Variants in ABCA5 observed in about 807,000 individuals in gnomAD.
ABCA5 encodes the protein cholesterol transporter ABCA5.
In ABCA5, 163 loss-of-function variants were observed where a neutral mutation model predicts 206.0. That is an observed-to-expected ratio of 0.79 (90% confidence interval 0.70 to 0.90). The LOEUF is 0.90. Among genes scored for constraint, ABCA5 ranks in the 40% least tolerant of loss-of-function variants. ABCA5 has a pLI of 0.00. For missense variants in ABCA5, 1,859 were observed against 1,912.9 expected (o/e 0.97, Z 0.53); for synonymous variants, 609 against 613.8 (o/e 0.99, Z 0.11).
chr17:69,264,159 C>G (rs969206577), intron 24 of ABCA5, among the ~76,000 whole-genome samples: 34 of 152,136 alleles, frequency 2.2e-4, no homozygotes, highest in African/African-American at 8.2e-4. Context: ...ATTGAGTCTT[C>G]TAATCCATGA....
intron 37 of ABCA5, 57 bp from the exon 38 acceptor site, chr17:69,248,374 C>A (rs1042088444): frequency 3.9e-6 from 4 of 1,028,994 alleles, no homozygotes; most frequent in South Asian, 1.5e-5. Context: ...AATGGCAATA[C>A]CTACCAAAGT....
chr17:69,272,884 G>C (rs902545240), intron 20 of ABCA5, among the ~76,000 whole-genome samples: 2 of 152,050 alleles, frequency 1.3e-5, no homozygotes, highest in African/African-American at 4.8e-5. Context: ...TTTTAATACT[G>C]GGCAAAGTCT....
At chr17:69,296,519 T>C (rs2075584927) in intron 10 of ABCA5, among the ~76,000 whole-genome samples, 1 of 152,192 alleles carries the variant, frequency 6.6e-6, no homozygotes, top group African/African-American at 2.4e-5. Flanking sequence ...AATTAACAGA[T>C]GACAATTTAA....
chr17:69,290,286 A>C (rs540198198), intron 12 of ABCA5, among the ~76,000 whole-genome samples: 1 of 152,274 alleles, frequency 6.6e-6, no homozygotes, highest in South Asian at 2.1e-4. Context: ...GCTTGACACT[A>C]AACATAAATA....
chr17:69,275,131 A>C (rs946610523), intron 19 of ABCA5, among the ~76,000 whole-genome samples: 2 of 152,186 alleles, frequency 1.3e-5, no homozygotes, highest in African/African-American at 4.8e-5. Flanking sequence ...GGTGTGAGCC[A>C]CTGCACCCAG....
At chr17:69,280,184 C>A (rs1250945340) in intron 18 of ABCA5, among the ~76,000 whole-genome samples, 2 of 151,960 alleles carry the variant, frequency 1.3e-5, no homozygotes, top group African/African-American at 2.4e-5. Flanking sequence ...AACAAATTTA[C>A]AAGAAAAAAA....
chr17:69,318,854 G>T (rs2075839972), intron 1 of ABCA5: 2 of 705,042 alleles, frequency 2.8e-6, no homozygotes, highest in Admixed American at 3.5e-5. Flanking sequence ...TATGAATCTT[G>T]TGATAGATTA....
At chr17:69,295,478 G>A (rs2075575451) in intron 10 of ABCA5, among the ~76,000 whole-genome samples, 1 of 152,142 alleles carries the variant, frequency 6.6e-6, no homozygotes, top group African/African-American at 2.4e-5. Context: ...TGAGTCACAT[G>A]GCATTCGAAG....
At chr17:69,256,444 CT>C (rs2075082027) in intron 28 of ABCA5, among the ~76,000 whole-genome samples, 161 bp from the exon 29 acceptor site, 1 of 148,622 alleles carries the variant, frequency 6.7e-6, no homozygotes, top group Non-Finnish European at 1.5e-5. Context: ...CTTTTTTTTT[CT>C]TTCTTTCTTT....
intron 1 of ABCA5, among the ~76,000 whole-genome samples, chr17:69,320,460 CAA>C (rs2075854707): frequency 1.3e-5 from 2 of 151,972 alleles, no homozygotes; most frequent in Admixed American, 6.6e-5. Flanking sequence ...TTCTTATACT[CAA>C]AAGCTTTAGT....
Position 69,287,639 on chromosome 17 carries a change from A to G in ABCA5, c.2015T>C (p.Phe672Ser). 2.5e-6 allele frequency: 4 copies of G among 1,611,982 alleles called. No homozygotes were observed. In the South Asian group the frequency reaches 3.3e-5, roughly 13 times the overall value. The change falls in exon 15 of 39, where the codon TTC becomes TCC. Residue 672 changes from phenylalanine to serine, a missense_variant. Transcript: ENST00000392676. ...TGCAAGAATGTCAGCTTCATCCATG[A>G]AATGAGTACTGAACACTGTCACCCG... ...ANRVTVFSTHFMDEADILADR... is the reference protein window; with the variant it reads ...ANRVTVFSTHSMDEADILADR...
At chr17:69,261,443 A>G (rs530409178) in intron 25 of ABCA5, among the ~76,000 whole-genome samples, 184 bp from the exon 26 acceptor site, 23 of 152,190 alleles carry the variant, frequency 1.5e-4, no homozygotes, top group African/African-American at 4.8e-4. Flanking sequence ...ACTAGTTGCT[A>G]AATCTCTTCC....
chr17:69,256,102 A>G (rs930642202), intron 29 of ABCA5, 55 bp downstream of exon 29: 50 of 1,500,870 alleles, frequency 3.3e-5, no homozygotes, highest in Non-Finnish European at 4.4e-5. Flanking sequence ...ATTTCTATAT[A>G]CCGGGAATTG....
intron 8 of ABCA5, among the ~76,000 whole-genome samples, chr17:69,301,967 C>CA (rs1567776808): frequency 6.6e-6 from 1 of 152,134 alleles, no homozygotes; most frequent in East Asian, 1.9e-4. Context: ...CTAGAGAACG[C>CA]GGACTCGGGG....
intron 15 of ABCA5, among the ~76,000 whole-genome samples, chr17:69,287,337 T>TAGCTTTGTA (rs2075468165): frequency 6.6e-6 from 1 of 152,192 alleles, no homozygotes; most frequent in Non-Finnish European, 1.5e-5. Context: ...TTTGCTAACT[T>TAGCTTTGTA]AGCTTTGTAT....
intron 7 of ABCA5, among the ~76,000 whole-genome samples, chr17:69,303,807 TAC>T (rs1555584104): frequency 0.013 from 67 of 5,224 alleles, 12 homozygotes; most frequent in Admixed American, 0.066. Context: ...TATATATATA[TAC>T]ATACATATAT....
Position 69,255,623 on chromosome 17 carries a change from C to T in ABCA5, c.3988G>A (p.Gly1330Arg). 3.8e-6 allele frequency: 6 copies of T among 1,579,306 alleles called. No individual in the cohort carries two copies. The highest frequency in any genetic ancestry group is 3.4e-6 in the Non-Finnish European group (4 of 1,170,326). The change falls in exon 31 of 39, where the codon GGA becomes AGA. Residue 1330 changes from glycine to arginine, a missense_variant. By Grantham distance (125) the Gly-to-Arg change is moderately radical. Transcript: ENST00000392676. ...CCAGCACCATTTGGACCCAATAGTC[C>T]TAAGATCTCTCCTAAAGGAATTGAA... ...SFCVKKGEIL[G>R]LLGPNGAGKS...
chr17:69,248,457 C>A, intron 37 of ABCA5, 140 bp from the exon 38 acceptor site: 1 of 546,720 alleles, frequency 1.8e-6, no homozygotes. Context: ...TGTTATTTTT[C>A]CCGCTTACTT....
At chr17:69,251,565 A>G in intron 35 of ABCA5, 182 bp downstream of exon 35, 2 of 699,786 alleles carry the variant, frequency 2.9e-6, no homozygotes, top group Non-Finnish European at 2.2e-6. Flanking sequence ...TTCAAATTCA[A>G]AGTAGACAGC....
Sources: gnomAD v4.1 joint callset for allele counts (sites outside exome capture counted in the v4.1 genomes callset) on GRCh38, gnomAD v4.1.1 for gene constraint, MANE v1.5 for transcripts, NCBI Gene and HGNC (gene_info 2026-07-23, HGNC 2026-07-21) for gene names.